Variants in CLMN observed in about 807,000 individuals in gnomAD.
CLMN encodes calmin, also known as calmin (calponin-like, transmembrane).
In CLMN, 57 loss-of-function variants were observed where a neutral mutation model predicts 92.7. The observed-to-expected ratio is 0.61, with a 90% confidence interval of 0.50 to 0.77. The LOEUF is 0.77. Among genes scored for constraint, CLMN ranks in the 30% least tolerant of loss-of-function variants. CLMN has a pLI of 0.00. For synonymous variants in CLMN, 466 were observed against 470.6 expected (o/e 0.99, Z 0.13); for missense variants, 1,158 against 1,237.5 (o/e 0.94, Z 0.96).
chr14:95,249,026 T>C (rs1402565320), intron 1 of CLMN, among the ~76,000 whole-genome samples: 3 of 152,178 alleles, frequency 2.0e-5, no homozygotes, highest in African/African-American at 4.8e-5. Flanking sequence ...AGTGGGTATC[T>C]ACAGTAGAAC....
chr14:95,219,493 C>T (rs900691287), intron 4 of CLMN, among the ~76,000 whole-genome samples: 4 of 152,218 alleles, frequency 2.6e-5, no homozygotes, highest in Non-Finnish European at 4.4e-5. Flanking sequence ...CTGGAGCCCA[C>T]GCAGCTTTCG....
At chr14:95,268,246 T>C (rs1899554867) in intron 1 of CLMN, among the ~76,000 whole-genome samples, 1 of 152,162 alleles carries the variant, frequency 6.6e-6, no homozygotes, top group Admixed American at 6.5e-5. Context: ...ATACATTATA[T>C]GAATATATCA....
Position 95,185,946 on chromosome 14 carries a change from CG to C in CLMN, c.*5617del, listed in dbSNP as rs1795915229. ...CAGCCATGATGGATTCTGACATTTT[CG>C]TAAGACACATCTGTACTTGCTAATT... On this transcript the variant is annotated 3_prime_UTR_variant, in exon 13 of 13. Transcript: ENST00000298912. The C allele has an allele frequency of 6.6e-6, 1 of 152,210 alleles. No homozygotes were observed. The highest frequency in any genetic ancestry group is 2.4e-5 in the African/African-American group (1 of 41,442). The allele number at this position is 152,210 out of a possible 1,614,324, so 9.4% of individuals were successfully genotyped here. A position where few individuals can be genotyped will look rare whatever the true frequency, so the allele number is the denominator to read the frequency against.
chr14:95,243,526 C>G (rs976302405), intron 1 of CLMN, among the ~76,000 whole-genome samples: 13 of 152,174 alleles, frequency 8.5e-5, no homozygotes, highest in African/African-American at 3.1e-4. Context: ...AAATCCAGTC[C>G]TAGCACTCAC....
At chr14:95,289,275 G>A (rs924253629) in intron 1 of CLMN, among the ~76,000 whole-genome samples, 6 of 152,270 alleles carry the variant, frequency 3.9e-5, no homozygotes, top group Admixed American at 3.3e-4. Flanking sequence ...CAGATTGCCT[G>A]AGTTCAGGAG....
chr14:95,254,865 T>C (rs1413063211), intron 1 of CLMN, among the ~76,000 whole-genome samples: 1 of 152,080 alleles, frequency 6.6e-6, no homozygotes, highest in Non-Finnish European at 1.5e-5. Flanking sequence ...TAATTTAAAA[T>C]AGTTTCTTTT....
chr14:95,233,122 A>G (rs914043794), intron 1 of CLMN, among the ~76,000 whole-genome samples: 1 of 152,234 alleles, frequency 6.6e-6, no homozygotes, highest in Non-Finnish European at 1.5e-5. Flanking sequence ...TAAAGTATTT[A>G]CACACACATT....
At chr14:95,273,176 A>ACAC (rs1899782142) in intron 1 of CLMN, among the ~76,000 whole-genome samples, 1 of 152,188 alleles carries the variant, frequency 6.6e-6, no homozygotes, top group African/African-American at 2.4e-5. Flanking sequence ...GATGGAAAGG[A>ACAC]CATTCCAGAA....
intron 3 of CLMN, among the ~76,000 whole-genome samples, chr14:95,223,369 G>T (rs1897608688): frequency 6.6e-6 from 1 of 152,178 alleles, no homozygotes; most frequent in Non-Finnish European, 1.5e-5. Flanking sequence ...TTAAAAGAAT[G>T]TTCTAGAAGC....
chr14:95,220,428 C>T (rs958325213), intron 4 of CLMN, among the ~76,000 whole-genome samples: 2 of 152,142 alleles, frequency 1.3e-5, no homozygotes, highest in Non-Finnish European at 2.9e-5. Context: ...CCACCCGCCT[C>T]GGCCTCCCAA....
chr14:95,227,112 T>C (rs1897736183), intron 2 of CLMN, among the ~76,000 whole-genome samples: 1 of 152,050 alleles, frequency 6.6e-6, no homozygotes, highest in Non-Finnish European at 1.5e-5. Context: ...GTGGCAGCCA[T>C]AACCAGCCAG....
chr14:95,214,279 T>C (rs965436836), intron 5 of CLMN, among the ~76,000 whole-genome samples: 32 of 151,754 alleles, frequency 2.1e-4, no homozygotes, highest in Admixed American at 2.1e-3. Context: ...CCAGAATCTC[T>C]GAGGAAGTTT....
At chr14:95,255,456 G>A (rs1319359842) in intron 1 of CLMN, among the ~76,000 whole-genome samples, 1 of 152,132 alleles carries the variant, frequency 6.6e-6, no homozygotes, top group East Asian at 1.9e-4. Flanking sequence ...CTCTCACTGT[G>A]CCTAATTTAT....
At chr14:95,268,792 CTCTTTTTT>C (rs1468456469) in intron 1 of CLMN, among the ~76,000 whole-genome samples, 4 of 103,802 alleles carry the variant, frequency 3.9e-5, no homozygotes, top group African/African-American at 1.5e-4. Flanking sequence ...CTCTCTCTCT[CTCTTTTTT>C]TTTTTTTTTT....
rs774847195 is a variant in CLMN, at chr14:95,213,282, G to A, written c.545C>T (p.Ser182Leu). The change falls in exon 6 of 13, where the codon TCG becomes TTG. Residue 182 changes from serine to leucine, a missense_variant. By Grantham distance (145) the Ser-to-Leu change is moderately radical (BLOSUM62 -2). Transcript: ENST00000298912. ...GATAGCCTTCCTCTGGTCTTTCACC[G>A]ATATTGCCACGCTCCTCTCTGCAGT... ...TPTAERSVAI[S>L]VKDQRKAIKA... The A allele has an allele frequency of 1.8e-5, 29 of 1,613,828 alleles. No homozygotes were observed. The highest frequency in any genetic ancestry group is 1.5e-4 in the Admixed American group (9 of 59,958).
chr14:95,238,411 T>C (rs1482436687), intron 1 of CLMN, among the ~76,000 whole-genome samples: 4 of 151,648 alleles, frequency 2.6e-5, no homozygotes, highest in African/African-American at 4.9e-5. Flanking sequence ...TCTGGCGGTA[T>C]TAAAGTCAAG....
chr14:95,313,686 G>A (rs1901640750), intron 1 of CLMN, among the ~76,000 whole-genome samples: 1 of 150,126 alleles, frequency 6.7e-6, no homozygotes, highest in Non-Finnish European at 1.5e-5. Context: ...TTTATAAAAA[G>A]GTTTCTATGG....
chr14:95,303,173 C>T (rs1438881242), intron 1 of CLMN, among the ~76,000 whole-genome samples: 1 of 152,250 alleles, frequency 6.6e-6, no homozygotes, highest in East Asian at 1.9e-4. Flanking sequence ...AGCCAGTTCT[C>T]CCCTCAGGGA....
intron 1 of CLMN, among the ~76,000 whole-genome samples, chr14:95,245,194 A>ATAT (rs1491250953): frequency 2.8e-5 from 1 of 35,492 alleles, no homozygotes; most frequent in Admixed American, 4.8e-4. Flanking sequence ...ATATATATAT[A>ATAT]ATATATATAT....
Sources: allele counts gnomAD v4.1 joint callset (sites outside exome capture counted in the v4.1 genomes callset), GRCh38; gene constraint gnomAD v4.1.1; transcripts MANE v1.5; gene names NCBI Gene and HGNC (gene_info 2026-07-23, HGNC 2026-07-21).